The following NRXN3 variants were observed in gnomAD, a reference collection of about 807,000 sequenced individuals.
NRXN3 encodes neurexin 3.
NRXN3 carries 32 observed loss-of-function variants against 137.6 expected under a neutral mutation model. That is an observed-to-expected ratio of 0.23 (90% CI 0.18 to 0.31). The LOEUF (loss-of-function observed/expected upper bound fraction) is 0.31, where lower values mean the gene tolerates loss of function less well. NRXN3 is among the 10% of genes least tolerant of loss of function. The probability of loss-of-function intolerance (pLI) is 1.00; values close to 1 mark genes in which losing one functional copy is unlikely to be tolerated. For synonymous variants in NRXN3, 798 were observed against 784.5 expected, an observed-to-expected ratio of 1.02 and a Z score of -0.29; for missense variants, 1,574 against 2,062.5, an observed-to-expected ratio of 0.76 and a Z score of 4.59.
intron 19 of NRXN3, among the ~76,000 whole-genome samples, chr14:79,737,521 A>C (rs1004553820): frequency 6.6e-6 from 1 of 152,192 alleles, no homozygotes; most frequent in African/African-American, 2.4e-5. Context: ...ATTCCTGCCT[A>C]AGATACTATG....
chr14:79,598,551 A>G (rs1321206800), intron 16 of NRXN3, among the ~76,000 whole-genome samples: 1 of 152,238 alleles, frequency 6.6e-6, no homozygotes, highest in Non-Finnish European at 1.5e-5. Flanking sequence ...AGGATGTCAA[A>G]GGGCCATGTT....
chr14:79,383,244 A>T (rs981078761), intron 15 of NRXN3, among the ~76,000 whole-genome samples: 1 of 152,084 alleles, frequency 6.6e-6, no homozygotes, highest in African/African-American at 2.4e-5. Flanking sequence ...TGTGGAAGTC[A>T]GCATATGTTT....
chr14:78,577,703 G>GA (rs974284840), intron 4 of NRXN3, among the ~76,000 whole-genome samples: 44 of 152,146 alleles, frequency 2.9e-4, no homozygotes, highest in African/African-American at 1.1e-3. Flanking sequence ...GACCTCAGGT[G>GA]ATCCACCCGC....
intron 1 of NRXN3, among the ~76,000 whole-genome samples, chr14:78,229,368 G>A (rs906224404): frequency 6.6e-6 from 1 of 151,544 alleles, no homozygotes; most frequent in Non-Finnish European, 1.5e-5. Flanking sequence ...CCTGATAGTT[G>A]AGCTGTAGTG....
At chr14:79,435,794 T>G (rs950590487) in intron 15 of NRXN3, among the ~76,000 whole-genome samples, 9 of 151,926 alleles carry the variant, frequency 5.9e-5, no homozygotes, top group Non-Finnish European at 1.2e-4. Context: ...ACCATCACAC[T>G]TGGCTGATTT....
chr14:79,778,352 GTT>G (rs2099103892), intron 19 of NRXN3, among the ~76,000 whole-genome samples: 1 of 152,136 alleles, frequency 6.6e-6, no homozygotes, highest in South Asian at 2.1e-4. Context: ...GGAGGCGGAG[GTT>G]GCAGTGAGCT....
At chr14:79,770,180 T>C (rs1335264317) in intron 19 of NRXN3, among the ~76,000 whole-genome samples, 4 of 151,994 alleles carry the variant, frequency 2.6e-5, no homozygotes, top group Non-Finnish European at 5.9e-5. Context: ...TAATGGGAGA[T>C]TTTAACACCC....
Position 78,672,962 on chromosome 14 carries a change from A to G in NRXN3, c.1221+21636A>G, listed in dbSNP as rs1436205258. Among the ~76,000 whole-genome samples, 126 of 152,234 alleles carry G rather than the reference A, an allele frequency of 8.3e-4. 3 individuals are homozygous for G. The highest frequency in any genetic ancestry group is 7.9e-3 in the Admixed American group (121 of 15,280). ...TCCCTATAGGCAGAAAAGCATTTCT[A>G]AAAGAGATTTGAAAATTGTGGACTC... On this transcript the variant is annotated intron_variant, in intron 6 of 20. Transcript: ENST00000335750.
chr14:79,082,217 C>T (rs897051654), intron 15 of NRXN3, among the ~76,000 whole-genome samples: 32 of 151,940 alleles, frequency 2.1e-4, no homozygotes, highest in Admixed American at 1.1e-3. Context: ...TCTTCATGTA[C>T]GTAAAATTTA....
intron 4 of NRXN3, among the ~76,000 whole-genome samples, chr14:78,318,208 G>C (rs1464733654): frequency 2.0e-5 from 3 of 152,180 alleles, no homozygotes; most frequent in African/African-American, 7.2e-5. Flanking sequence ...GAGGTGAAAG[G>C]GGAAGGCCAT....
intron 8 of NRXN3, among the ~76,000 whole-genome samples, chr14:78,754,973 T>C (rs958093640): frequency 1.3e-5 from 2 of 152,054 alleles, no homozygotes; most frequent in African/African-American, 4.8e-5. Flanking sequence ...TTTGGACTTA[T>C]GTTGTCTAGT....
intron 15 of NRXN3, among the ~76,000 whole-genome samples, chr14:79,110,606 A>G (rs1052882232): frequency 7.9e-5 from 12 of 152,182 alleles, no homozygotes; most frequent in Non-Finnish European, 1.6e-4. Flanking sequence ...GACAAGTAAT[A>G]TGGTCTATAG....
In NRXN3 at chr14:78,883,859, T is replaced by G. The variant is rs1373234574; in HGVS notation, c.2276-73383T>G. On this transcript the variant is annotated intron_variant, in intron 10 of 20. Coordinates refer to ENST00000335750, the MANE Select transcript of NRXN3 (RefSeq NM_001330195.2). The stretch of plus-strand genomic sequence containing the variant: ...GATGAATTTGTTGCATGATATAGTT[T>G]TCTGGGGGAAAGATTTCTTTTAATA... 2.6e-5 allele frequency among the ~76,000 whole-genome samples: 4 copies of G among 152,190 alleles called. No individual in the cohort carries two copies. The East Asian group carries it at 7.7e-4, about 29-fold the overall frequency.
chr14:78,460,628 G>A (rs532440931), intron 4 of NRXN3, among the ~76,000 whole-genome samples: 28 of 152,282 alleles, frequency 1.8e-4, no homozygotes, highest in African/African-American at 5.3e-4. Context: ...CTACTTTCTC[G>A]TCAGGAGCAG....
intron 15 of NRXN3, among the ~76,000 whole-genome samples, chr14:79,041,711 G>C (rs753106770): frequency 6.6e-6 from 1 of 152,170 alleles, no homozygotes; most frequent in Non-Finnish European, 1.5e-5. Context: ...GCCACATGAA[G>C]TATTATATCA....
chr14:78,537,044 G>A (rs2096542961), intron 4 of NRXN3, among the ~76,000 whole-genome samples: 1 of 152,120 alleles, frequency 6.6e-6, no homozygotes, highest in Admixed American at 6.5e-5. Context: ...CTTTGCTATT[G>A]TGAGTAGTAC....
At chr14:79,218,962 A>G (rs562096013) in intron 15 of NRXN3, among the ~76,000 whole-genome samples, 5 of 152,178 alleles carry the variant, frequency 3.3e-5, no homozygotes, top group South Asian at 4.1e-4. Context: ...AGGTCTTGTA[A>G]TAGTCCCAGT....
At chr14:79,460,847 C>G (rs915231071) in intron 15 of NRXN3, among the ~76,000 whole-genome samples, 1 of 152,146 alleles carries the variant, frequency 6.6e-6, no homozygotes, top group African/African-American at 2.4e-5. Context: ...CTGCTCATTT[C>G]TTTGCCAAGG....
chr14:79,858,357 G>A (rs544145104), intron 20 of NRXN3, among the ~76,000 whole-genome samples: 4 of 152,192 alleles, frequency 2.6e-5, no homozygotes, highest in African/African-American at 9.6e-5. Flanking sequence ...GTCACAGATG[G>A]TACACTAAAA....
Sources: gnomAD v4.1 joint callset for allele counts (sites outside exome capture counted in the v4.1 genomes callset) on GRCh38, gnomAD v4.1.1 for gene constraint, MANE v1.5 for transcripts, NCBI Gene and HGNC (gene_info 2026-07-23, HGNC 2026-07-21) for gene names.